EYA2: variants seen among roughly 807,000 people sequenced by gnomAD.
The protein encoded by EYA2 is EYA transcriptional coactivator and phosphatase 2.
In EYA2, 31 loss-of-function variants were observed where a neutral mutation model predicts 69.2. That is an observed-to-expected ratio of 0.45 (90% CI 0.34 to 0.60). EYA2 has a LOEUF of 0.60. EYA2 is among the 20% of genes least tolerant of loss of function. The pLI, the probability that EYA2 is intolerant of heterozygous loss-of-function variation, is 0.02. For missense variants in EYA2, 622 were observed against 701.2 expected (o/e 0.89, Z 1.28); for synonymous variants, 257 against 279.4 (o/e 0.92, Z 0.80).
At chr20:47,181,355 C>A (rs1600777693) in intron 14 of EYA2, among the ~76,000 whole-genome samples, 1 of 152,254 alleles carries the variant, frequency 6.6e-6, no homozygotes, top group East Asian at 1.9e-4. Context: ...TGGTTTTATT[C>A]TCATGTATGG....
intron 2 of EYA2, among the ~76,000 whole-genome samples, chr20:46,991,247 G>A (rs1981640314): frequency 2.0e-5 from 3 of 152,216 alleles, no homozygotes; most frequent in Admixed American, 1.3e-4. Context: ...CTTCATTTGA[G>A]AGCCCGTAGT....
At chr20:47,079,965 G>T (rs1409971970) in intron 7 of EYA2, among the ~76,000 whole-genome samples, 1 of 152,178 alleles carries the variant, frequency 6.6e-6, no homozygotes, top group African/African-American at 2.4e-5. Context: ...ACAAGATCTG[G>T]AGTGAAAGGA....
chr20:46,925,532 G>A (rs1004850046), intron 1 of EYA2, among the ~76,000 whole-genome samples: 3 of 152,158 alleles, frequency 2.0e-5, no homozygotes, highest in Non-Finnish European at 4.4e-5. Context: ...TGGAAGGTAT[G>A]AACAGGCAAT....
At position 47,091,276 on chromosome 20, in the gene EYA2, G is replaced by A. The variant is rs140577860; in HGVS notation, c.804+1895G>A. On this transcript the variant is annotated intron_variant, in intron 8 of 15. Coordinates refer to ENST00000327619, the MANE Select transcript of EYA2 (RefSeq NM_005244.5). ...CTCAGAAACCAGACCAGCCTCTGACGTCCAGTGTGGCTGGGTGGCCCCTGC... is the reference window on the plus strand; with the variant it reads ...CTCAGAAACCAGACCAGCCTCTGACATCCAGTGTGGCTGGGTGGCCCCTGC... 3.1e-3 allele frequency among the ~76,000 whole-genome samples: 465 copies of A among 152,260 alleles called. 5 individuals are homozygous for A. The Middle Eastern group carries it at 0.031, about 10-fold the overall frequency.
intron 9 of EYA2, among the ~76,000 whole-genome samples, chr20:47,111,166 C>T (rs1460555023): frequency 1.3e-5 from 2 of 152,168 alleles, no homozygotes; most frequent in Non-Finnish European, 2.9e-5. Flanking sequence ...AGAAAGACAT[C>T]TTGAAGAAGT....
In EYA2 at chr20:47,024,837, C is replaced by T. The variant is rs78413463; in HGVS notation, c.415+8540C>T. On this transcript the variant is annotated intron_variant, in intron 5 of 15. Coordinates refer to ENST00000327619, the MANE Select transcript of EYA2 (RefSeq NM_005244.5). ...GGGAGGGTAAATCCAGACCTTGTTA[C>T]TCAGTCTTGGCCAGAAGTGAAAATT... 5.5e-3 allele frequency among the ~76,000 whole-genome samples: 845 copies of T among 152,346 alleles called. 7 individuals carry two copies. Among genetic ancestry groups the T allele is most frequent in the African/African-American group, 0.019 (796 of 41,570 alleles).
intron 5 of EYA2, among the ~76,000 whole-genome samples, chr20:47,019,729 A>T (rs1410624750): frequency 6.6e-6 from 1 of 151,790 alleles, no homozygotes; most frequent in African/African-American, 2.4e-5. Context: ...ACTTTGGGAG[A>T]CCAAGGCAGG....
At chr20:46,973,763 C>G (rs746472589) in intron 1 of EYA2, among the ~76,000 whole-genome samples, 4 of 151,474 alleles carry the variant, frequency 2.6e-5, no homozygotes, top group Admixed American at 6.6e-5. Flanking sequence ...AACTTCTAGC[C>G]CCACTATGAA....
chr20:47,179,518 A>G (rs1314838091), intron 12 of EYA2, among the ~76,000 whole-genome samples: 2 of 92,818 alleles, frequency 2.2e-5, no homozygotes, highest in African/African-American at 8.3e-5. Context: ...GGATGGGTGG[A>G]TAGGTGGGTA....
At chr20:47,056,241 G>A (rs976537325) in intron 5 of EYA2, among the ~76,000 whole-genome samples, 3 of 152,100 alleles carry the variant, frequency 2.0e-5, no homozygotes, top group South Asian at 2.1e-4. Context: ...AGGACTTGAC[G>A]ACTCACAGCA....
chr20:47,083,730 A>C (rs1467613107), intron 7 of EYA2, among the ~76,000 whole-genome samples: 1 of 152,230 alleles, frequency 6.6e-6, no homozygotes, highest in Non-Finnish European at 1.5e-5. Context: ...ACTTTGATTT[A>C]GGCAAAGATT....
chr20:47,039,810 A>T, intron 5 of EYA2, among the ~76,000 whole-genome samples: 2 of 133,020 alleles, frequency 1.5e-5, no homozygotes, highest in Admixed American at 7.6e-5. Context: ...TCTTCATCTC[A>T]TAGGGTCATT....
chr20:46,915,358 C>T (rs776389234), intron 1 of EYA2, among the ~76,000 whole-genome samples: 9 of 152,214 alleles, frequency 5.9e-5, no homozygotes, highest in Non-Finnish European at 1.0e-4. Context: ...AATTATGCCC[C>T]TCTCATGGCC....
intron 1 of EYA2, among the ~76,000 whole-genome samples, chr20:46,933,718 G>A (rs1281928076): frequency 1.3e-5 from 2 of 152,246 alleles, no homozygotes; most frequent in Non-Finnish European, 2.9e-5. Flanking sequence ...CTGCTGTCTT[G>A]CAGCACCCCA....
intron 10 of EYA2, among the ~76,000 whole-genome samples, chr20:47,168,582 C>T (rs1428093925): frequency 1.3e-5 from 2 of 151,692 alleles, no homozygotes; most frequent in Non-Finnish European, 2.9e-5. Context: ...AATGGCAAGC[C>T]CTGGGGATAG....
At chr20:46,915,993 GA>G (rs1984887417) in intron 1 of EYA2, among the ~76,000 whole-genome samples, 1 of 152,178 alleles carries the variant, frequency 6.6e-6, no homozygotes, top group East Asian at 1.9e-4. Flanking sequence ...AAGATCAACC[GA>G]AATGACCACT....
chr20:47,042,808 C>T (rs1002616202), intron 5 of EYA2, among the ~76,000 whole-genome samples: 8 of 152,188 alleles, frequency 5.3e-5, no homozygotes, highest in African/African-American at 1.9e-4. Context: ...CTCCACATTA[C>T]AGGAAGGCAG....
Position 46,923,896 on chromosome 20 carries a change from T to C in EYA2, c.-11+28909T>C, listed in dbSNP as rs537380858. 5.5e-4 allele frequency among the ~76,000 whole-genome samples: 84 copies of C among 152,286 alleles called. 1 individual carries two copies. Among genetic ancestry groups the C allele is most frequent in the Middle Eastern group, 3.4e-3 (1 of 294 alleles). On this transcript the variant is annotated intron_variant, in intron 1 of 15. Coordinates refer to ENST00000327619, the MANE Select transcript of EYA2 (RefSeq NM_005244.5). ...GAACGCCTTAGTGATTTTTTTTAAA[T>C]CTCATTTTGCTAACTTTCAGCTCTT...
chr20:46,918,389 A>G (rs1456159412), intron 1 of EYA2, among the ~76,000 whole-genome samples: 1 of 150,388 alleles, frequency 6.6e-6, no homozygotes, highest in African/African-American at 2.4e-5. Flanking sequence ...GCTCACTGCA[A>G]CCTCTACCTC....
Sources: allele counts gnomAD v4.1 joint callset (sites outside exome capture counted in the v4.1 genomes callset), GRCh38; gene constraint gnomAD v4.1.1; transcripts MANE v1.5; gene names NCBI Gene and HGNC (gene_info 2026-07-23, HGNC 2026-07-21).